The following DOCK4 variants were observed in gnomAD, a reference collection of about 807,000 sequenced individuals.
DOCK4 encodes the protein dedicator of cytokinesis 4, also known as dedicator of cytokinesis protein 4.
DOCK4 carries 97 observed loss-of-function variants against 268.1 expected under a neutral mutation model. That is an observed-to-expected ratio of 0.36 (90% CI 0.31 to 0.43). The LOEUF (loss-of-function observed/expected upper bound fraction) is 0.43. DOCK4 is among the 20% of genes least tolerant of loss of function. The pLI is 1.00. For synonymous variants in DOCK4, 954 were observed against 887.2 expected (o/e 1.08, Z -1.34); for missense variants, 2,145 against 2,455.7 (o/e 0.87, Z 2.67).
intron 26 of DOCK4, among the ~76,000 whole-genome samples, chr7:111,833,190 T>C (rs913663041): frequency 8.5e-5 from 13 of 152,198 alleles, no homozygotes; most frequent in Non-Finnish European, 1.6e-4. Flanking sequence ...TTATGGGTTT[T>C]TGTACTCAGA....
chr7:112,037,316 G>A (rs576506289), intron 1 of DOCK4, among the ~76,000 whole-genome samples: 3 of 152,262 alleles, frequency 2.0e-5, no homozygotes, highest in African/African-American at 4.8e-5. Context: ...TTTACTGTAC[G>A]ATGGGTTTGT....
chr7:112,156,341 A>G (rs918802591), intron 1 of DOCK4, among the ~76,000 whole-genome samples: 2 of 152,194 alleles, frequency 1.3e-5, no homozygotes, highest in Admixed American at 6.5e-5. Context: ...TTCATGAACA[A>G]TCTATAAAAA....
intron 8 of DOCK4, among the ~76,000 whole-genome samples, chr7:111,949,540 G>A (rs1795889492): frequency 6.6e-6 from 1 of 151,846 alleles, no homozygotes; most frequent in African/African-American, 2.4e-5. Context: ...CTTAGCTTAA[G>A]CATGCCTTAA....
chr7:111,903,057 A>C (rs1791276186), intron 13 of DOCK4, among the ~76,000 whole-genome samples: 1 of 152,218 alleles, frequency 6.6e-6, no homozygotes, highest in East Asian at 1.9e-4. Flanking sequence ...AAATCACTAG[A>C]AAGAAAAATA....
At chr7:112,090,410 T>C (rs547519896) in intron 1 of DOCK4, among the ~76,000 whole-genome samples, 11 of 152,282 alleles carry the variant, frequency 7.2e-5, no homozygotes, top group African/African-American at 2.6e-4. Context: ...AAAAACTATA[T>C]GAAAGCTAAA....
intron 49 of DOCK4, among the ~76,000 whole-genome samples, chr7:111,737,386 C>A (rs1427103015): frequency 6.6e-6 from 1 of 152,032 alleles, no homozygotes; most frequent in African/African-American, 2.4e-5. Flanking sequence ...CTTGGCCAAT[C>A]CCAAAGCGCT....
chr7:111,817,306 A>T (rs1801627205), intron 27 of DOCK4, among the ~76,000 whole-genome samples: 1 of 152,174 alleles, frequency 6.6e-6, no homozygotes, highest in South Asian at 2.1e-4. Flanking sequence ...ACACTTAATT[A>T]AAAAAATCAC....
At chr7:111,938,230 T>A (rs1794897794) in intron 11 of DOCK4, among the ~76,000 whole-genome samples, 1 of 152,202 alleles carries the variant, frequency 6.6e-6, no homozygotes, top group Non-Finnish European at 1.5e-5. Context: ...AGACTATAGA[T>A]AAATCTTTGT....
In DOCK4 at chr7:111,741,944, T is replaced by TC. The variant is rs369806985; in HGVS notation, c.4797+68dup. On this transcript the variant is annotated intron_variant, in intron 45 of 52. Coordinates refer to ENST00000428084, the MANE Select transcript of DOCK4 (RefSeq NM_001363540.2). ...CCACAAGATGTCACTATTGGATACA[T>TC]CATCATCCCTTTAACAAGCAAACGG... 10 of 1,503,750 alleles carry TC rather than the reference T, an allele frequency of 6.7e-6. 1 individual carries two copies. The highest frequency in any genetic ancestry group is 2.8e-5 in the African/African-American group (2 of 71,440). The allele number at this position is 1,503,750 out of a possible 1,614,324, so 93.2% of individuals were successfully genotyped here.
chr7:111,890,117 T>A (rs1808170947), intron 16 of DOCK4, among the ~76,000 whole-genome samples: 1 of 152,218 alleles, frequency 6.6e-6, no homozygotes, highest in African/African-American at 2.4e-5. Flanking sequence ...GTTACTGTCT[T>A]CCTAGGCCCC....
intron 1 of DOCK4, among the ~76,000 whole-genome samples, chr7:112,174,851 T>C (rs370554597): frequency 5.3e-5 from 8 of 151,980 alleles, no homozygotes; most frequent in Non-Finnish European, 7.4e-5. Flanking sequence ...TTTTAAAAAG[T>C]GGGTTTTTTG....
intron 13 of DOCK4, among the ~76,000 whole-genome samples, chr7:111,914,643 C>T (rs905389993): frequency 6.6e-6 from 1 of 152,148 alleles, no homozygotes; most frequent in African/African-American, 2.4e-5. Context: ...TTTTAGGTCT[C>T]TACTCTACTG....
chr7:111,980,973 T>C (rs770048349), intron 7 of DOCK4, among the ~76,000 whole-genome samples: 12 of 152,246 alleles, frequency 7.9e-5, no homozygotes, highest in Admixed American at 2.0e-4. Flanking sequence ...AGTGGACATA[T>C]GCTAACACTG....
At chr7:111,871,747 G>C (rs1050400805) in intron 20 of DOCK4, among the ~76,000 whole-genome samples, 3 of 152,180 alleles carry the variant, frequency 2.0e-5, no homozygotes, top group Non-Finnish European at 2.9e-5. Context: ...AGACAAGAAG[G>C]AAAGACTTTA....
intron 41 of DOCK4, among the ~76,000 whole-genome samples, chr7:111,757,440 C>A (rs1036148398): frequency 7.2e-5 from 11 of 152,136 alleles, no homozygotes; most frequent in African/African-American, 2.7e-4. Flanking sequence ...CTAAAAGCAA[C>A]TGCAAGAAGA....
At chr7:112,115,967 C>T (rs1812119307) in intron 1 of DOCK4, among the ~76,000 whole-genome samples, 1 of 152,224 alleles carries the variant, frequency 6.6e-6, no homozygotes, top group African/African-American at 2.4e-5. Context: ...GCATGAGCCA[C>T]CATGCTCGGC....
intron 15 of DOCK4, among the ~76,000 whole-genome samples, chr7:111,896,836 G>A (rs566606050): frequency 6.6e-6 from 1 of 152,200 alleles, no homozygotes; most frequent in African/African-American, 2.4e-5. Flanking sequence ...TCCCTAATAT[G>A]AGGACATCCC....
chr7:111,951,965 T>C (rs765756669), intron 8 of DOCK4, among the ~76,000 whole-genome samples: 116 of 151,560 alleles, frequency 7.7e-4, no homozygotes, highest in Non-Finnish European at 1.2e-3. Context: ...TAAAACATAA[T>C]AATTACAAAT....
At chr7:111,819,361 T>C (rs1032137409) in intron 27 of DOCK4, 1 of 152,234 alleles carries the variant, frequency 6.6e-6, no homozygotes, top group Admixed American at 6.5e-5. Flanking sequence ...ATCTTCCTTA[T>C]GTTCCTTCTT....
Sources: allele counts gnomAD v4.1 joint callset (sites outside exome capture counted in the v4.1 genomes callset), GRCh38; gene constraint gnomAD v4.1.1; transcripts MANE v1.5; gene names NCBI Gene and HGNC (gene_info 2026-07-23, HGNC 2026-07-21).